Variants in SLIT2 observed in about 807,000 individuals in gnomAD.
SLIT2 encodes the protein slit homolog 2 protein.
Under a neutral mutation model 185.7 loss-of-function variants are expected in SLIT2, and 41 were observed. The observed-to-expected ratio is 0.22, with a 90% CI of 0.17 to 0.29. The LOEUF is 0.29. Ranked by LOEUF, SLIT2 falls within the 10% of genes least tolerant of loss-of-function variation. The pLI is 1.00. For synonymous variants in SLIT2, 693 were observed against 680.2 expected (o/e 1.02, Z -0.29); for missense variants, 1,571 against 1,909.0 (o/e 0.82, Z 3.30).
intron 5 of SLIT2, among the ~76,000 whole-genome samples, chr4:20,468,134 A>T (rs1227959210): frequency 1.3e-5 from 2 of 152,106 alleles, no homozygotes; most frequent in African/African-American, 4.8e-5. Context: ...CTATCAGCTT[A>T]CTTCAGTAAC....
intron 16 of SLIT2, among the ~76,000 whole-genome samples, chr4:20,531,412 T>C (rs1018106284): frequency 2.6e-5 from 4 of 152,104 alleles, no homozygotes; most frequent in African/African-American, 9.7e-5. Context: ...ATGCCCAGAC[T>C]AGGAAAATTA....
chr4:20,477,953 G>C (rs1025283234), intron 5 of SLIT2, among the ~76,000 whole-genome samples: 1 of 152,176 alleles, frequency 6.6e-6, no homozygotes, highest in Non-Finnish European at 1.5e-5. Flanking sequence ...GAAGTACCCA[G>C]GGCTTGAAAG....
intron 4 of SLIT2, among the ~76,000 whole-genome samples, chr4:20,447,486 C>G (rs1335992295): frequency 6.6e-6 from 1 of 152,204 alleles, no homozygotes. Context: ...TACACTTATT[C>G]TAACATTGCT....
chr4:20,254,918 T>A lies in SLIT2; in HGVS notation c.179+924T>A, dbSNP rs1028135745. On this transcript the variant is annotated intron_variant, in intron 1 of 36. Coordinates refer to ENST00000504154, the MANE Select transcript of SLIT2 (RefSeq NM_004787.4). This position sits in a 1 kb window ranked among gnomAD's most constrained non-coding sequence, Gnocchi z 5.1. ...GCTCGCAGACGTCCCCGCCTCCCTG[T>A]CTTTGCGAGTCTCTAATGAAGAAGT... is the stretch of plus-strand genomic sequence containing the variant. 3 of 456,136 alleles carry A rather than the reference T, an allele frequency of 6.6e-6. No individual in the cohort carries two copies. The highest frequency in any genetic ancestry group is 6.0e-5 in the African/African-American group (3 of 50,090). 28.3% of individuals were successfully genotyped at this position (456,136 alleles called of 1,614,324 possible). A position where few individuals can be genotyped will look rare whatever the true frequency, so the allele number is the denominator to read the frequency against.
At chr4:20,477,503 T>G (rs888047837) in intron 5 of SLIT2, among the ~76,000 whole-genome samples, 1 of 152,048 alleles carries the variant, frequency 6.6e-6, no homozygotes, top group Non-Finnish European at 1.5e-5. Flanking sequence ...CTAGCCGAGG[T>G]CATGAATGTT....
At chr4:20,393,782 T>A (rs991293010) in intron 4 of SLIT2, 9 of 152,096 alleles carry the variant, frequency 5.9e-5, no homozygotes, top group Non-Finnish European at 7.4e-5. Flanking sequence ...TGTCATTTTA[T>A]AGACTTTGAA....
chr4:20,336,977 A>AT (rs1720558003), intron 4 of SLIT2, among the ~76,000 whole-genome samples: 1 of 152,240 alleles, frequency 6.6e-6, no homozygotes, highest in Non-Finnish European at 1.5e-5. Context: ...ACAGCTAAGA[A>AT]TTTTATACTT....
intron 4 of SLIT2, among the ~76,000 whole-genome samples, chr4:20,381,712 TTCAAGGCTGTATG>T (rs1386275533): frequency 5.3e-5 from 8 of 152,126 alleles, no homozygotes; most frequent in Admixed American, 5.2e-4. Context: ...GCAAACAAAC[TTCAAGGCTGTATG>T]TCTTCATTGG....
chr4:20,255,939 C>A (rs1379258202), intron 1 of SLIT2, among the ~76,000 whole-genome samples: 1 of 152,188 alleles, frequency 6.6e-6, no homozygotes, highest in Non-Finnish European at 1.5e-5. Context: ...AAGTTTAGAT[C>A]TTGACCTGAA....
chr4:20,360,928 C>T (rs1422925765), intron 4 of SLIT2, among the ~76,000 whole-genome samples: 2 of 152,078 alleles, frequency 1.3e-5, no homozygotes, highest in African/African-American at 4.8e-5. Context: ...GAGCCATCAC[C>T]CTTGTTTTGC....
At chr4:20,265,300 C>T (rs976020127) in intron 3 of SLIT2, among the ~76,000 whole-genome samples, 1 of 151,896 alleles carries the variant, frequency 6.6e-6, no homozygotes, top group African/African-American at 2.4e-5. Context: ...GGTGATTGCA[C>T]AGGCGGCTAT....
chr4:20,404,278 A>G (rs1372293943), intron 4 of SLIT2, among the ~76,000 whole-genome samples: 2 of 151,974 alleles, frequency 1.3e-5, no homozygotes, highest in African/African-American at 2.4e-5. Context: ...CGTCCCCTAT[A>G]TTACAATCTC....
intron 4 of SLIT2, among the ~76,000 whole-genome samples, chr4:20,390,396 A>T (rs1725317784): frequency 6.6e-6 from 1 of 152,152 alleles, no homozygotes; most frequent in South Asian, 2.1e-4. Context: ...TTCAAGACTG[A>T]TGCTTTGCAG....
intron 4 of SLIT2, among the ~76,000 whole-genome samples, chr4:20,463,351 A>G (rs905130641): frequency 1.3e-5 from 2 of 150,574 alleles, no homozygotes; most frequent in African/African-American, 2.4e-5. Context: ...CAAGCCGCCA[A>G]TGACTGTTCC....
chr4:20,388,703 G>A (rs1444444162), intron 4 of SLIT2, among the ~76,000 whole-genome samples: 1 of 150,902 alleles, frequency 6.6e-6, no homozygotes, highest in Non-Finnish European at 1.5e-5. Flanking sequence ...GAACCCAGGA[G>A]GCAGAGGTTG....
chr4:20,417,436 G>GTGTATATATATGTATATATATATA (rs1553898364), intron 4 of SLIT2, among the ~76,000 whole-genome samples: 1 of 123,678 alleles, frequency 8.1e-6, no homozygotes, highest in Non-Finnish European at 1.8e-5. Context: ...ATGTGTGTGT[G>GTGTATATATATGTATATATATATA]TATATATATA....
chr4:20,370,299 T>C (rs936170239), intron 4 of SLIT2, among the ~76,000 whole-genome samples: 3 of 152,070 alleles, frequency 2.0e-5, no homozygotes, highest in Non-Finnish European at 4.4e-5. Flanking sequence ...GTTTTGAAAA[T>C]TGAATATTTC....
intron 4 of SLIT2, among the ~76,000 whole-genome samples, chr4:20,330,454 T>G (rs1286137200): frequency 3.9e-5 from 6 of 152,098 alleles, no homozygotes; most frequent in African/African-American, 1.4e-4. Flanking sequence ...AACATCAGTT[T>G]TGGATTTTGA....
intron 7 of SLIT2, among the ~76,000 whole-genome samples, chr4:20,487,329 A>C (rs1164836758): frequency 6.6e-6 from 1 of 152,170 alleles, no homozygotes; most frequent in Non-Finnish European, 1.5e-5. Context: ...TTAACAGCCT[A>C]GTTCACTCAA....
Sources: allele counts gnomAD v4.1 joint callset (sites outside exome capture counted in the v4.1 genomes callset), GRCh38; gene constraint gnomAD v4.1.1; non-coding constraint Gnocchi (gnomAD v3.1); transcripts MANE v1.5; gene names NCBI Gene and HGNC (gene_info 2026-07-23, HGNC 2026-07-21).